RIMS1: variants seen among roughly 807,000 people sequenced by gnomAD.
RIMS1 encodes the protein regulating synaptic membrane exocytosis 1.
In RIMS1, 83 loss-of-function variants were observed where a neutral mutation model predicts 214.1. The ratio of observed to expected loss-of-function variants is 0.39; its 90% CI spans 0.32 to 0.47. The LOEUF is 0.47. RIMS1 is among the 20% of genes least tolerant of loss of function. The pLI, the probability that RIMS1 is intolerant of heterozygous loss-of-function variation, is 0.99. For synonymous variants in RIMS1, 793 were observed against 786.8 expected (o/e 1.01, Z -0.13); for missense variants, 2,050 against 2,161.8 (o/e 0.95, Z 1.03).
At chr6:72,193,519 T>C (rs1248858151) in intron 6 of RIMS1, among the ~76,000 whole-genome samples, 2 of 152,200 alleles carry the variant, frequency 1.3e-5, no homozygotes. Flanking sequence ...TATTTCAAAC[T>C]TAATTAGAAA....
chr6:72,076,824 G>A (rs772244418), intron 2 of RIMS1, among the ~76,000 whole-genome samples: 8 of 152,072 alleles, frequency 5.3e-5, no homozygotes, highest in Non-Finnish European at 1.0e-4. Context: ...AGAACCATGT[G>A]GCTTGCCTCT....
chr6:71,954,846 G>GCGCA (rs559283383), intron 1 of RIMS1, among the ~76,000 whole-genome samples: 1,645 of 144,918 alleles, frequency 0.011, 31 homozygotes, highest in African/African-American at 0.039. Flanking sequence ...CCACTCCTCA[G>GCGCA]CACACACACA....
chr6:71,908,903 G>A (rs920126457), intron 1 of RIMS1, among the ~76,000 whole-genome samples: 2 of 152,194 alleles, frequency 1.3e-5, no homozygotes, highest in Non-Finnish European at 2.9e-5. Flanking sequence ...AAGCCTGTAA[G>A]AGATGATTAG....
chr6:71,907,163 C>G (rs1218535970), intron 1 of RIMS1, among the ~76,000 whole-genome samples: 1 of 152,146 alleles, frequency 6.6e-6, no homozygotes, highest in African/African-American at 2.4e-5. Context: ...AATAGATTTA[C>G]CCTGCATTAT....
At chr6:72,374,134 C>T (rs1037738160) in intron 29 of RIMS1, among the ~76,000 whole-genome samples, 2 of 152,022 alleles carry the variant, frequency 1.3e-5, no homozygotes, top group Non-Finnish European at 2.9e-5. Flanking sequence ...AGGATGGTCT[C>T]GATCTCTTGA....
chr6:72,018,015 A>C (rs1170217450), intron 2 of RIMS1, among the ~76,000 whole-genome samples: 4 of 152,168 alleles, frequency 2.6e-5, no homozygotes, highest in African/African-American at 9.7e-5. Flanking sequence ...GCTTTGTGTG[A>C]AGTAGGGAGA....
At chr6:72,301,677 A>G (rs1234448790) in intron 26 of RIMS1, among the ~76,000 whole-genome samples, 1 of 151,602 alleles carries the variant, frequency 6.6e-6, no homozygotes, top group Non-Finnish European at 1.5e-5. Context: ...TTTACATGAC[A>G]TTTTCCTTGT....
rs115112777 is a variant in RIMS1, at chr6:72,284,866, A to G, written c.3554+748A>G. On this transcript the variant is annotated intron_variant, in intron 24 of 33. Transcript: ENST00000521978. ...CATGCACAGGTACAGTATGAACACAAGAAAAGTTGTGCAGTAAGGATGAAA... is the reference window on the plus strand; with the variant it reads ...CATGCACAGGTACAGTATGAACACAGGAAAAGTTGTGCAGTAAGGATGAAA... 6.8e-3 allele frequency among the ~76,000 whole-genome samples: 1,038 copies of G among 152,300 alleles called. 8 individuals are homozygous for G. The highest frequency in any genetic ancestry group is 0.017 in the Middle Eastern group (5 of 294).
chr6:72,109,402 G>A (rs940373675), intron 4 of RIMS1, among the ~76,000 whole-genome samples: 16 of 151,806 alleles, frequency 1.1e-4, no homozygotes, highest in African/African-American at 3.4e-4. Flanking sequence ...TCTAACTGGT[G>A]TGAGATGGTA....
At chr6:72,194,125 G>A (rs1472278624) in intron 6 of RIMS1, among the ~76,000 whole-genome samples, 2 of 152,068 alleles carry the variant, frequency 1.3e-5, no homozygotes, top group African/African-American at 4.8e-5. Flanking sequence ...TTTCATGCTC[G>A]TGTAGCAGAA....
chr6:72,319,458 A>C (rs2096022314), intron 28 of RIMS1, among the ~76,000 whole-genome samples: 1 of 152,122 alleles, frequency 6.6e-6, no homozygotes, highest in South Asian at 2.1e-4. Flanking sequence ...GCCTGAAGTT[A>C]AGGGAATGGT....
chr6:72,331,774 G>C (rs565529203), intron 28 of RIMS1, among the ~76,000 whole-genome samples: 1 of 151,784 alleles, frequency 6.6e-6, no homozygotes, highest in Non-Finnish European at 1.5e-5. Flanking sequence ...TATCAGATTT[G>C]CAAATGACTT....
chr6:72,246,817 A>C lies in RIMS1; in HGVS notation c.2128+956A>C, dbSNP rs575446628. Among the ~76,000 whole-genome samples, 6 of 152,314 alleles carry C rather than the reference A, an allele frequency of 3.9e-5. No homozygotes were observed. In the South Asian group the frequency reaches 1.0e-3, roughly 26 times the overall value. On this transcript the variant is annotated intron_variant, in intron 11 of 33. Transcript: ENST00000521978. ...ATACACTGATTGCCATAATATTACA[A>C]ACAAGCATTATTAGAAATAACAGTG...
At chr6:72,099,070 G>A (rs1234786504) in intron 3 of RIMS1, among the ~76,000 whole-genome samples, 1 of 152,186 alleles carries the variant, frequency 6.6e-6, no homozygotes. Flanking sequence ...AAAGATGTTG[G>A]CAGTGAACAA....
At chr6:71,961,947 A>C (rs1793070330) in intron 1 of RIMS1, among the ~76,000 whole-genome samples, 1 of 152,188 alleles carries the variant, frequency 6.6e-6, no homozygotes, top group Admixed American at 6.6e-5. Flanking sequence ...TGGCAGATAT[A>C]AATCCATAAG....
chr6:72,082,105 TA>T (rs1000373265), intron 2 of RIMS1, among the ~76,000 whole-genome samples: 2 of 152,200 alleles, frequency 1.3e-5, no homozygotes, highest in African/African-American at 2.4e-5. Context: ...CTTTTTGGAA[TA>T]AATTTTTTAT....
intron 6 of RIMS1, among the ~76,000 whole-genome samples, chr6:72,219,357 A>C (rs2057544034): frequency 6.6e-6 from 1 of 152,176 alleles, no homozygotes; most frequent in African/African-American, 2.4e-5. Context: ...TGCTTCACGT[A>C]GGCCAATCTT....
At chr6:72,106,147 G>GT (rs2034696304) in intron 4 of RIMS1, among the ~76,000 whole-genome samples, 1 of 152,058 alleles carries the variant, frequency 6.6e-6, no homozygotes. Flanking sequence ...ATATGCAATA[G>GT]TTTTTTCATA....
chr6:72,113,734 G>A (rs921426013), intron 4 of RIMS1, among the ~76,000 whole-genome samples: 12 of 151,782 alleles, frequency 7.9e-5, no homozygotes, highest in African/African-American at 2.7e-4. Flanking sequence ...ACTGTAACTG[G>A]GCTGATCACC....
Sources: allele counts gnomAD v4.1 joint callset (sites outside exome capture counted in the v4.1 genomes callset), GRCh38; gene constraint gnomAD v4.1.1; transcripts MANE v1.5; gene names NCBI Gene and HGNC (gene_info 2026-07-23, HGNC 2026-07-21).